The following ZNG1F variants were observed in gnomAD, a reference collection of about 807,000 sequenced individuals.
ZNG1F encodes zinc-regulated GTPase metalloprotein activator 1F.
the ZNG1F span, among the ~76,000 whole-genome samples, chr9:41,185,607 AGGTG>A: frequency 6.6e-6 from 1 of 151,712 alleles, no homozygotes; most frequent in Non-Finnish European, 1.5e-5. Flanking sequence ...CGGGAGACAG[AGGTG>A]GCAGTGAGCT....
the ZNG1F span, among the ~76,000 whole-genome samples, chr9:41,151,101 G>GA: frequency 2.4e-5 from 3 of 124,406 alleles, no homozygotes; most frequent in Admixed American, 1.7e-4. Context: ...TGAAAACTTT[G>GA]AAAAAAATTT....
chr9:41,155,123 T>C, the ZNG1F span, among the ~76,000 whole-genome samples: 1 of 150,758 alleles, frequency 6.6e-6, no homozygotes, highest in Non-Finnish European at 1.5e-5. Flanking sequence ...AGGGCTAATA[T>C]CCAGAATCTA....
the ZNG1F span, chr9:41,131,820 T>C: frequency 2.5e-6 from 1 of 404,036 alleles, no homozygotes; most frequent in East Asian, 4.2e-5. Flanking sequence ...TGTTTAAGGA[T>C]ATCCTTATCT....
the ZNG1F span, among the ~76,000 whole-genome samples, chr9:41,184,902 T>TA: frequency 9.1e-6 from 1 of 110,418 alleles, no homozygotes; most frequent in East Asian, 2.6e-4. Context: ...GATTTTTGCC[T>TA]AAAAAGCACT....
the ZNG1F span, among the ~76,000 whole-genome samples, chr9:41,155,296 C>A: frequency 2.0e-5 from 3 of 150,256 alleles, no homozygotes; most frequent in Non-Finnish European, 4.4e-5. Flanking sequence ...AAATCAAAAC[C>A]ACAATGAGAT....
At chr9:41,183,657 C>T in the ZNG1F span, 6 of 1,605,410 alleles carry the variant, frequency 3.7e-6, 1 homozygote, top group Middle Eastern at 3.3e-4. Context: ...CTCCAGCGCA[C>T]TTCCTAGAAT....
the ZNG1F span, among the ~76,000 whole-genome samples, chr9:41,193,665 C>G: frequency 2.0e-5 from 3 of 151,006 alleles, no homozygotes; most frequent in African/African-American, 7.3e-5. Flanking sequence ...TTTGGAAAGC[C>G]AGGGCGGGTG....
the ZNG1F span, among the ~76,000 whole-genome samples, chr9:41,139,582 G>A: frequency 1.3e-5 from 2 of 150,730 alleles, no homozygotes; most frequent in African/African-American, 4.9e-5. Context: ...CTAGTAATAG[G>A]AAAAGCGGAA....
the ZNG1F span, chr9:41,131,996 A>G: frequency 1.2e-5 from 7 of 602,546 alleles, 1 homozygote; most frequent in African/African-American, 1.4e-4. Context: ...CCAGGTCAGT[A>G]CATCAAAGTC....
chr9:41,139,491 T>C, the ZNG1F span, among the ~76,000 whole-genome samples: 28 of 148,246 alleles, frequency 1.9e-4, 1 homozygote, highest in African/African-American at 7.0e-4. Context: ...AGAGTGTCAG[T>C]TGTGGTAGTA....
At chr9:41,155,901 T>C in the ZNG1F span, among the ~76,000 whole-genome samples, 4 of 136,930 alleles carry the variant, frequency 2.9e-5, no homozygotes, top group South Asian at 4.9e-4. Flanking sequence ...AGTTAGTGGG[T>C]GTAGCGCACC....
chr9:41,142,525 CG>C, the ZNG1F span, among the ~76,000 whole-genome samples: 1 of 70,516 alleles, frequency 1.4e-5, no homozygotes, highest in Non-Finnish European at 2.9e-5. Context: ...ACATTGAGGC[CG>C]GGCACAGTGG....
chr9:41,141,203 T>C, the ZNG1F span, among the ~76,000 whole-genome samples: 92 of 151,812 alleles, frequency 6.1e-4, 1 homozygote, highest in Admixed American at 1.8e-3. Flanking sequence ...ACTCTTTTCA[T>C]GTTAGAAAAA....
At chr9:41,131,983 T>C in the ZNG1F span, 63 of 568,786 alleles carry the variant, frequency 1.1e-4, 4 homozygotes, top group South Asian at 1.3e-3. Flanking sequence ...CATCTTTAAC[T>C]TTCCAGGTCA....
the ZNG1F span, among the ~76,000 whole-genome samples, chr9:41,173,915 A>C: frequency 6.7e-6 from 1 of 148,676 alleles, no homozygotes; most frequent in Non-Finnish European, 1.5e-5. Flanking sequence ...GCTCAACCAT[A>C]AAGATTTTAC....
chr9:41,150,231 G>A, the ZNG1F span, among the ~76,000 whole-genome samples: 3 of 146,606 alleles, frequency 2.0e-5, no homozygotes, highest in South Asian at 4.5e-4. Flanking sequence ...TGTAAGATTG[G>A]GTCACTCCCA....
the ZNG1F span, among the ~76,000 whole-genome samples, chr9:41,153,819 ACT>A: frequency 1.0e-5 from 1 of 96,994 alleles, no homozygotes; most frequent in Non-Finnish European, 2.1e-5. Flanking sequence ...CATGCTAAAA[ACT>A]CTCAATAAAT....
At chr9:41,139,343 T>C in the ZNG1F span, among the ~76,000 whole-genome samples, 2 of 141,776 alleles carry the variant, frequency 1.4e-5, no homozygotes, top group South Asian at 4.6e-4. Context: ...TGTGGGTCTC[T>C]CAGCTGTGGA....
chr9:41,140,953 C>T, the ZNG1F span, among the ~76,000 whole-genome samples: 1 of 151,758 alleles, frequency 6.6e-6, no homozygotes, highest in Non-Finnish European at 1.5e-5. Flanking sequence ...TCTACAACTC[C>T]TGGGTTTTAA....
Sources: gnomAD v4.1 joint callset for allele counts (sites outside exome capture counted in the v4.1 genomes callset) on GRCh38, gnomAD v4.1.1 for gene constraint, MANE v1.5 for transcripts, NCBI Gene and HGNC (gene_info 2026-07-23, HGNC 2026-07-21) for gene names.